Variants in DLG2 observed in about 807,000 individuals in gnomAD.
DLG2 encodes the protein discs large MAGUK scaffold protein 2.
A neutral mutation model predicts 132.5 loss-of-function variants in DLG2; 45 were observed. That is an observed-to-expected ratio of 0.34 (90% CI 0.27 to 0.44). The LOEUF is 0.44. DLG2 is among the 20% of genes least tolerant of loss of function. DLG2 has a pLI of 1.00. For synonymous variants in DLG2, 424 were observed against 419.6 expected (o/e 1.01, Z -0.13); for missense variants, 1,045 against 1,196.9 (o/e 0.87, Z 1.87).
intron 6 of DLG2, among the ~76,000 whole-genome samples, chr11:84,791,349 C>T (rs973093933): frequency 6.6e-6 from 1 of 152,132 alleles, no homozygotes. Flanking sequence ...TACTATAACT[C>T]TGTAGTACAA....
intron 9 of DLG2, among the ~76,000 whole-genome samples, chr11:84,150,936 C>T (rs1472958898): frequency 2.6e-5 from 4 of 152,162 alleles, no homozygotes; most frequent in Non-Finnish European, 4.4e-5. Context: ...TGGAGCCAAC[C>T]TCACATCCCA....
intron 9 of DLG2, among the ~76,000 whole-genome samples, chr11:84,123,227 G>A (rs1266193111): frequency 5.3e-5 from 8 of 152,154 alleles, no homozygotes; most frequent in Non-Finnish European, 1.0e-4. Flanking sequence ...GTTGTTGTGA[G>A]GCTTAAAATT....
intron 19 of DLG2, among the ~76,000 whole-genome samples, chr11:83,545,464 C>T (rs1228927997): frequency 6.6e-6 from 1 of 152,104 alleles, no homozygotes; most frequent in South Asian, 2.1e-4. Context: ...ATGTGAAAGA[C>T]ATCTAAAATA....
intron 9 of DLG2, among the ~76,000 whole-genome samples, chr11:84,119,601 G>T (rs1184535911): frequency 6.6e-6 from 1 of 151,994 alleles, no homozygotes; most frequent in Non-Finnish European, 1.5e-5. Context: ...AAATCTTAAA[G>T]AAGTTATACA....
intron 7 of DLG2, among the ~76,000 whole-genome samples, chr11:84,320,495 G>T (rs1272766334): frequency 6.6e-6 from 1 of 152,264 alleles, no homozygotes; most frequent in East Asian, 1.9e-4. Flanking sequence ...AGTGTGTACA[G>T]TCTATTCCTA....
At chr11:84,034,003 C>A (rs2095791717) in intron 11 of DLG2, among the ~76,000 whole-genome samples, 1 of 152,200 alleles carries the variant, frequency 6.6e-6, no homozygotes, top group Non-Finnish European at 1.5e-5. Context: ...ATCGCTTGAA[C>A]CCAGGAGGCG....
intron 12 of DLG2, among the ~76,000 whole-genome samples, chr11:83,975,468 T>G (rs532728304): frequency 6.6e-6 from 1 of 152,154 alleles, no homozygotes; most frequent in East Asian, 1.9e-4. Context: ...CCATTAAACA[T>G]CAGAGTGGTC....
In DLG2 at chr11:84,051,694, A is replaced by T. The variant is rs560211377; in HGVS notation, c.919+7621T>A. On this transcript the variant is annotated intron_variant, in intron 11 of 27. Coordinates refer to ENST00000376104, the MANE Select transcript of DLG2 (RefSeq NM_001142699.3). ...TGTTAAATGACGAGTTACTGGGTGC[A>T]GCACACCAACATGGCACATGTATAC... 5.9e-5 allele frequency among the ~76,000 whole-genome samples: 9 copies of T among 151,802 alleles called. No homozygotes were observed. The East Asian group carries it at 1.8e-3, about 30-fold the overall frequency.
intron 3 of DLG2, among the ~76,000 whole-genome samples, chr11:85,431,172 T>A (rs2091157282): frequency 1.3e-5 from 2 of 151,934 alleles, no homozygotes; most frequent in Non-Finnish European, 2.9e-5. Context: ...AAAACGAGTG[T>A]TTCAAAACGG....
intron 3 of DLG2, among the ~76,000 whole-genome samples, chr11:85,541,179 T>A (rs1322572299): frequency 6.6e-6 from 1 of 152,188 alleles, no homozygotes; most frequent in Non-Finnish European, 1.5e-5. Context: ...ACCCTGTGAA[T>A]GATGGAAAAC....
rs1259854326 is a variant in DLG2 at position 84,132,370 on chromosome 11, G to A, written c.624+31091C>T. Among the ~76,000 whole-genome samples the A allele has an allele frequency of 2.0e-5, 3 of 151,980 alleles. No homozygotes were observed. The South Asian group carries it at 6.2e-4, about 31-fold the overall frequency. ...TTCCACCATGCGTTGGGGTGGTAAT[G>A]TGCAGATGCTTAGAAACATACAAGA... On this transcript the variant is annotated intron_variant, in intron 9 of 27. Transcript: ENST00000376104.
Position 83,535,747 on chromosome 11 carries a change from G to C in DLG2, c.2118-2964C>G, listed in dbSNP as rs183122145. Among the ~76,000 whole-genome samples the C allele has an allele frequency of 2.5e-3, 388 of 152,214 alleles. 2 individuals are homozygous for C. Among genetic ancestry groups the C allele is most frequent in the African/African-American group, 8.7e-3 (362 of 41,510 alleles). On this transcript the variant is annotated intron_variant, in intron 20 of 27. Transcript: ENST00000376104. ...AAAAGCTTTGCTTCCTATTTGGGTT[G>C]AAAGTTTCATTAATAATAATATAAG...
chr11:83,848,649 C>T (rs1286809536), intron 16 of DLG2, among the ~76,000 whole-genome samples: 2 of 152,178 alleles, frequency 1.3e-5, no homozygotes, highest in African/African-American at 2.4e-5. Flanking sequence ...AGTTCAGGCC[C>T]ATGACATCTC....
At chr11:84,949,457 G>A (rs1188032076) in intron 6 of DLG2, among the ~76,000 whole-genome samples, 1 of 150,824 alleles carries the variant, frequency 6.6e-6, no homozygotes, top group African/African-American at 2.4e-5. Flanking sequence ...AAGCCTGGGA[G>A]CGCTATGGGA....
chr11:83,608,773 A>G (rs1016016465), intron 19 of DLG2, among the ~76,000 whole-genome samples: 20 of 152,172 alleles, frequency 1.3e-4, no homozygotes, highest in Middle Eastern at 3.4e-3. Flanking sequence ...GATCCTTCAG[A>G]TACTACAGCT....
chr11:85,013,736 A>G (rs1043835565), intron 6 of DLG2, among the ~76,000 whole-genome samples: 4 of 152,178 alleles, frequency 2.6e-5, no homozygotes, highest in African/African-American at 9.6e-5. Flanking sequence ...TATTCTTTAT[A>G]ACTATTTTGT....
intron 4 of DLG2, among the ~76,000 whole-genome samples, chr11:85,184,376 A>G (rs1329488917): frequency 6.7e-6 from 1 of 150,182 alleles, no homozygotes; most frequent in Non-Finnish European, 1.5e-5. Context: ...ACAGGTGTGC[A>G]TAGATTAGGA....
rs966006317 is a variant in DLG2 at position 85,154,523 on chromosome 11, C to T, written c.282+33G>A. ...AACAAGACAAGTCTTACCCATGAAG[C>T]CTAGTAAGAAAAGAAAACAGTATAA... On this transcript the variant is annotated intron_variant, in intron 5 of 27. Transcript: ENST00000376104. 5.8e-6 allele frequency: 6 copies of T among 1,033,056 alleles called. No homozygotes were observed. In the African/African-American group the frequency reaches 8.0e-5, roughly 14 times the overall value. 64.0% of individuals were successfully genotyped at this position (1,033,056 alleles called of 1,614,324 possible).
At chr11:84,081,684 T>C (rs1297818318) in intron 10 of DLG2, among the ~76,000 whole-genome samples, 1 of 152,216 alleles carries the variant, frequency 6.6e-6, no homozygotes, top group Non-Finnish European at 1.5e-5. Context: ...TTCCATGGTG[T>C]GTATTTGCCA....
Sources: allele counts gnomAD v4.1 joint callset (sites outside exome capture counted in the v4.1 genomes callset), GRCh38; gene constraint gnomAD v4.1.1; transcripts MANE v1.5; gene names NCBI Gene and HGNC (gene_info 2026-07-23, HGNC 2026-07-21).